Variants in PLEKHD1 observed in about 807,000 individuals in gnomAD.
PLEKHD1 encodes pleckstrin homology domain-containing family D member 1.
Under a neutral mutation model 69.2 loss-of-function variants are expected in PLEKHD1, and 51 were observed. The ratio of observed to expected loss-of-function variants is 0.74; its 90% CI spans 0.59 to 0.93. The LOEUF (loss-of-function observed/expected upper bound fraction) is 0.93. Among genes scored for constraint, PLEKHD1 ranks in the 40% least tolerant of loss-of-function variants. PLEKHD1 has a pLI of 0.00. For synonymous variants in PLEKHD1, 236 were observed against 244.7 expected, an observed-to-expected ratio of 0.96 and a Z score of 0.33; for missense variants, 584 against 641.0, an observed-to-expected ratio of 0.91 and a Z score of 0.96.
At chr14:69,500,523 C>T in intron 2 of PLEKHD1, 54 bp from the exon 3 acceptor site, 2 of 1,468,288 alleles carry the variant, frequency 1.4e-6, no homozygotes, top group Non-Finnish European at 1.8e-6. Flanking sequence ...CCCAGAACCC[C>T]TGAGTGACCC....
intron 6 of PLEKHD1, among the ~76,000 whole-genome samples, chr14:69,506,891 CTTTT>C (rs1162412450): frequency 0.12 from 9,292 of 77,692 alleles, 462 homozygotes; most frequent in Non-Finnish European, 0.14. Flanking sequence ...CTGGCAACTG[CTTTT>C]TTTTTTTTTT....
the PLEKHD1 span, among the ~76,000 whole-genome samples, chr14:69,477,891 G>A: frequency 6.6e-6 from 1 of 152,294 alleles, no homozygotes; most frequent in South Asian, 2.1e-4. Flanking sequence ...AGCTGTCAGT[G>A]GATCTACCAT....
chr14:69,516,204 GTTCTCT>G (rs1301002151), intron 6 of PLEKHD1, among the ~76,000 whole-genome samples: 3 of 152,102 alleles, frequency 2.0e-5, no homozygotes, highest in African/African-American at 7.2e-5. Flanking sequence ...AAGTTCTTCC[GTTCTCT>G]TTCTTTTTCC....
chr14:69,493,361 C>T (rs1052512888), intron 1 of PLEKHD1, among the ~76,000 whole-genome samples: 1 of 152,188 alleles, frequency 6.6e-6, no homozygotes, highest in Non-Finnish European at 1.5e-5. Flanking sequence ...CAGAAATAAC[C>T]GTGTTCTGAG....
intron 6 of PLEKHD1, among the ~76,000 whole-genome samples, chr14:69,507,047 C>T (rs1054342189): frequency 5.3e-5 from 8 of 151,872 alleles, no homozygotes; most frequent in Non-Finnish European, 8.8e-5. Context: ...GGAATACAGG[C>T]GCGTGCCACC....
chr14:69,481,001 C>T (rs1882532229), upstream of PLEKHD1, among the ~76,000 whole-genome samples: 1 of 152,198 alleles, frequency 6.6e-6, no homozygotes, highest in South Asian at 2.1e-4. Context: ...TCACACATTT[C>T]CTTACCATGG....
At position 69,506,891 on chromosome 14, in the gene PLEKHD1, C is replaced by CTTTTTTTTTTTTTTTTTT. The variant is rs1162412450; in HGVS notation, c.555+4023_555+4040dup. 2.6e-4 allele frequency among the ~76,000 whole-genome samples: 20 copies of CTTTTTTTTTTTTTTTTTT among 78,066 alleles called. 3 individuals are homozygous for CTTTTTTTTTTTTTTTTTT. Among genetic ancestry groups the CTTTTTTTTTTTTTTTTTT allele is most frequent in the Non-Finnish European group, 4.4e-4 (19 of 43,594 alleles). 51.2% of individuals were successfully genotyped at this position (78,066 alleles called of 152,430 possible). ...ACTGTCCTAAAAATCCTGGCAACTG[C>CTTTTTTTTTTTTTTTTTT]TTTTTTTTTTTTTTTTTTTTTTTTT... On this transcript the variant is annotated intron_variant, in intron 6 of 12. Coordinates refer to ENST00000322564, the MANE Select transcript of PLEKHD1 (RefSeq NM_001161498.2).
intron 1 of PLEKHD1, among the ~76,000 whole-genome samples, chr14:69,486,379 G>A (rs763222898): frequency 6.6e-6 from 1 of 152,162 alleles, no homozygotes; most frequent in Non-Finnish European, 1.5e-5. Context: ...GTTTCTCTCT[G>A]GGATTTAATG....
chr14:69,473,470 A>G, the PLEKHD1 span, among the ~76,000 whole-genome samples: 1 of 152,098 alleles, frequency 6.6e-6, no homozygotes, highest in African/African-American at 2.4e-5. Flanking sequence ...GCAGTATCAG[A>G]AAGGGCATGG....
intron 6 of PLEKHD1, among the ~76,000 whole-genome samples, chr14:69,510,135 C>T (rs1566561410): frequency 6.6e-6 from 1 of 152,148 alleles, no homozygotes; most frequent in Non-Finnish European, 1.5e-5. Flanking sequence ...TGGGTAGTCT[C>T]AGTCTTCCAA....
At chr14:69,478,422 C>T in the PLEKHD1 span, among the ~76,000 whole-genome samples, 3 of 152,246 alleles carry the variant, frequency 2.0e-5, no homozygotes, top group Admixed American at 2.0e-4. Context: ...ATGCAAATCT[C>T]CATAGCTGGC....
the PLEKHD1 span, among the ~76,000 whole-genome samples, chr14:69,471,852 CT>C: frequency 6.6e-6 from 1 of 152,146 alleles, no homozygotes; most frequent in Non-Finnish European, 1.5e-5. Context: ...ACTTTGTCTT[CT>C]CCTTCATAAT....
chr14:69,471,659 G>A, the PLEKHD1 span, among the ~76,000 whole-genome samples: 12 of 152,044 alleles, frequency 7.9e-5, no homozygotes, highest in African/African-American at 2.9e-4. Flanking sequence ...CCAGGACCTC[G>A]GAGTCCCAGT....
the PLEKHD1 span, among the ~76,000 whole-genome samples, chr14:69,468,770 G>A: frequency 6.6e-6 from 1 of 152,046 alleles, no homozygotes; most frequent in Admixed American, 6.6e-5. Flanking sequence ...TTGTAGAGAT[G>A]GAGTCTCACT....
At chr14:69,511,153 T>C (rs577239738) in intron 6 of PLEKHD1, among the ~76,000 whole-genome samples, 1 of 152,224 alleles carries the variant, frequency 6.6e-6, no homozygotes, top group African/African-American at 2.4e-5. Context: ...GTTTGTTTGT[T>C]TGTTTGTTGT....
intron 2 of PLEKHD1, 76 bp downstream of exon 2, chr14:69,500,284 G>A (rs1314719557): frequency 8.2e-7 from 1 of 1,225,958 alleles, no homozygotes; most frequent in African/African-American, 1.5e-5. Flanking sequence ...TGTGAGGGGA[G>A]GGGACTGCGC....
intron 1 of PLEKHD1, among the ~76,000 whole-genome samples, chr14:69,495,915 C>T (rs1439448876): frequency 6.6e-6 from 1 of 152,210 alleles, no homozygotes; most frequent in African/African-American, 2.4e-5. Flanking sequence ...TATTCGTCAT[C>T]CGACACCCAC....
intron 1 of PLEKHD1, among the ~76,000 whole-genome samples, chr14:69,496,725 A>T (rs748687747): frequency 0.076 from 6,560 of 86,474 alleles, 204 homozygotes; most frequent in Middle Eastern, 0.1. Context: ...TTTTTTTTTT[A>T]ATGTAGAGAC....
intron 1 of PLEKHD1, among the ~76,000 whole-genome samples, chr14:69,498,658 CTTCTT>C (rs879716027): frequency 0.024 from 3,236 of 135,598 alleles, 74 homozygotes; most frequent in African/African-American, 0.053. Flanking sequence ...CTTCTCTTCT[CTTCTT>C]TGAGATGGAG....
Sources: allele counts gnomAD v4.1 joint callset (sites outside exome capture counted in the v4.1 genomes callset), GRCh38; gene constraint gnomAD v4.1.1; transcripts MANE v1.5; gene names NCBI Gene and HGNC (gene_info 2026-07-23, HGNC 2026-07-21).